The following LGI2 variants were observed in gnomAD, a reference collection of about 807,000 sequenced individuals.
LGI2 encodes the protein leucine-rich repeat LGI family member 2.
Under a neutral mutation model 52.0 loss-of-function variants are expected in LGI2, and 30 were observed. That is an observed-to-expected ratio of 0.58 (90% confidence interval 0.43 to 0.78). The LOEUF (loss-of-function observed/expected upper bound fraction) is 0.78, where lower values mean the gene tolerates loss of function less well. Among genes scored for constraint, LGI2 ranks in the 30% least tolerant of loss-of-function variants. The pLI is 0.00. For synonymous variants in LGI2, 270 were observed against 271.8 expected (o/e 0.99, Z 0.06); for missense variants, 573 against 692.5 (o/e 0.83, Z 1.94).
At chr4:25,013,653 T>C (rs536988998) in intron 6 of LGI2, among the ~76,000 whole-genome samples, 126 of 152,298 alleles carry the variant, frequency 8.3e-4, no homozygotes, top group African/African-American at 3.0e-3. Flanking sequence ...GAAGGTGGTG[T>C]CTATTTCATG....
downstream of LGI2, among the ~76,000 whole-genome samples, chr4:24,998,354 A>T (rs1345792491): frequency 6.6e-6 from 1 of 152,200 alleles, no homozygotes; most frequent in African/African-American, 2.4e-5. Flanking sequence ...GTCATATGTG[A>T]TTTGGTTTCT....
Position 25,003,970 on chromosome 4 carries a change from G to A in LGI2, c.1119C>T (p.Asp373=). ...SYQSLHEWFR[D]TDAEFVDIDG... ...CGATATCAACAAACTCCGCATCCGTGTCCCTGAACCACTCGTGCAGTGACT... is the reference window on the plus strand; with the variant it reads ...CGATATCAACAAACTCCGCATCCGTATCCCTGAACCACTCGTGCAGTGACT... Residue 373 remains aspartate (D), a synonymous_variant, in exon 8 of 8, where the codon GAC becomes GAT. Coordinates refer to ENST00000382114, the MANE Select transcript of LGI2 (RefSeq NM_018176.4). 1 of 1,614,134 alleles carries A rather than the reference G, an allele frequency of 6.2e-7. No homozygotes were observed. The highest frequency in any genetic ancestry group is 8.5e-7 in the Non-Finnish European group (1 of 1,180,016).
In LGI2 at chr4:25,030,541, G is replaced by T; in HGVS notation, c.153C>A (p.Gly51=). Residue 51 remains glycine, a synonymous_variant, in exon 1 of 8, where the codon GGC becomes GGA. Transcript: ENST00000382114. The part of the protein sequence containing the change: ...SCTKESIICV[G]SSWVPRIVPG... ...GCACGATCCTGGGCACCCAGGAAGA[G>T]CCCACGCAGATGATAGACTCCTTGG... is the stretch of plus-strand genomic sequence containing the variant. The T allele has an allele frequency of 6.3e-7, 1 of 1,596,634 alleles. No homozygotes were observed. The highest frequency in any genetic ancestry group is 1.7e-5 in the Admixed American group (1 of 57,420).
chr4:25,014,307 G>A (rs183575106), intron 6 of LGI2, among the ~76,000 whole-genome samples: 31 of 152,288 alleles, frequency 2.0e-4, no homozygotes, highest in Non-Finnish European at 3.5e-4. Context: ...AAAAGGAGTT[G>A]TCACAGTGCA....
chr4:25,025,366 A>G (rs1726112205), intron 3 of LGI2, among the ~76,000 whole-genome samples: 1 of 152,158 alleles, frequency 6.6e-6, no homozygotes, highest in Non-Finnish European at 1.5e-5. Context: ...GGAGAGTTCT[A>G]TCAAGCTTGG....
chr4:24,995,019 T>G (rs1206502737), downstream of LGI2, among the ~76,000 whole-genome samples: 1 of 152,250 alleles, frequency 6.6e-6, no homozygotes, highest in African/African-American at 2.4e-5. Flanking sequence ...TGAAATGCCT[T>G]CAAGAAATCT....
At chr4:25,006,257 AC>A (rs1375571743) in intron 7 of LGI2, among the ~76,000 whole-genome samples, 1 of 129,202 alleles carries the variant, frequency 7.7e-6, no homozygotes, top group Non-Finnish European at 1.7e-5. Flanking sequence ...ATCACCCTGC[AC>A]CCAGATGCCC....
At chr4:25,021,930 CA>C (rs35526176) in intron 4 of LGI2, among the ~76,000 whole-genome samples, 4,924 of 76,472 alleles carry the variant, frequency 0.064, 98 homozygotes, top group South Asian at 0.16. Flanking sequence ...GATTCCATCT[CA>C]AAAAAAAAAA....
intron 7 of LGI2, among the ~76,000 whole-genome samples, chr4:25,009,545 A>AT (rs1725509195): frequency 6.6e-6 from 1 of 151,954 alleles, no homozygotes; most frequent in Non-Finnish European, 1.5e-5. Flanking sequence ...TACTACAATT[A>AT]TTTTTACAAT....
At chr4:25,014,914 A>C (rs1725713770) in intron 6 of LGI2, among the ~76,000 whole-genome samples, 1 of 151,980 alleles carries the variant, frequency 6.6e-6, no homozygotes, top group Non-Finnish European at 1.5e-5. Flanking sequence ...TGTGGGTATC[A>C]GAGGACCAGA....
intron 2 of LGI2, 76 bp downstream of exon 2, chr4:25,028,431 C>T: frequency 7.3e-7 from 1 of 1,370,888 alleles, no homozygotes; most frequent in Non-Finnish European, 1.0e-6. Context: ...GGGCTGATAC[C>T]AAAGAGGCAG....
At chr4:25,005,046 G>A (rs1013515313) in intron 7 of LGI2, among the ~76,000 whole-genome samples, 1 of 152,150 alleles carries the variant, frequency 6.6e-6, no homozygotes, top group Non-Finnish European at 1.5e-5. Context: ...ACAAAAAGAC[G>A]AATACTATAT....
chr4:25,028,541 G>C lies in LGI2; in HGVS notation c.235C>G (p.Arg79Gly), dbSNP rs554995457. The C allele has an allele frequency of 6.2e-7, 1 of 1,613,488 alleles. No individual in the cohort carries two copies. The highest frequency in any genetic ancestry group is 8.5e-7 in the Non-Finnish European group (1 of 1,179,874). ...AGAGAAGGCAGATGGGAAAACATTC[G>C]GTCCTTGATTTCTGAAAACGTCCCA... ...VNGTFSEIKDRMFSHLPSLQL... is the reference protein window; with the variant it reads ...VNGTFSEIKDGMFSHLPSLQL... Residue 79 changes from arginine to glycine, a missense_variant, in exon 2 of 8, where the codon CGA becomes GGA. By Grantham distance (125) the Arg-to-Gly change is moderately radical. Transcript: ENST00000382114.
downstream of LGI2, among the ~76,000 whole-genome samples, chr4:24,994,555 ACT>A (rs1725002776): frequency 6.7e-6 from 1 of 149,536 alleles, no homozygotes. Context: ...AACCAATCTC[ACT>A]CTCTCCCTCT....
At chr4:25,027,751 A>C (rs2109427615) in intron 2 of LGI2, among the ~76,000 whole-genome samples, 1 of 152,372 alleles carries the variant, frequency 6.6e-6, no homozygotes, top group East Asian at 1.9e-4. Flanking sequence ...AGATCAAGAG[A>C]ATGAGGTGTG....
chr4:25,006,165 G>T (rs1000224365), intron 7 of LGI2, among the ~76,000 whole-genome samples: 1 of 152,142 alleles, frequency 6.6e-6, no homozygotes, highest in Admixed American at 6.5e-5. Flanking sequence ...TAGCTCAGAC[G>T]TCATAAAACT....
intron 4 of LGI2, among the ~76,000 whole-genome samples, chr4:25,020,732 T>C (rs1486452712): frequency 6.6e-6 from 1 of 152,226 alleles, no homozygotes; most frequent in African/African-American, 2.4e-5. Flanking sequence ...ATATTCTTGC[T>C]TCAGGACACC....
At position 25,004,105 on chromosome 4, in the gene LGI2, G is replaced by A; in HGVS notation, c.984C>T (p.Asp328=). The change falls in exon 8 of 8, where the codon GAC becomes GAT. Residue 328 remains aspartate (D), a synonymous_variant. Transcript: ENST00000382114. The surrounding 1 kb of genome is among the most constrained non-coding windows in gnomAD (Gnocchi z 4.6). ...CGTCGTCGATCTGAAACAGCTCGAT[G>A]TCATTGGGCTTGGAAATGCGAGAGA... ...IEVSRISKPN[D]IELFQIDDET... 6.2e-7 allele frequency: 1 copy of A among 1,614,198 alleles called. No individual in the cohort carries two copies. Among genetic ancestry groups the A allele is most frequent in the South Asian group, 1.1e-5 (1 of 91,072 alleles).
At chr4:25,020,786 C>A (rs6448323) in intron 4 of LGI2, among the ~76,000 whole-genome samples, 2 of 151,944 alleles carry the variant, frequency 1.3e-5, no homozygotes, top group East Asian at 3.9e-4. Context: ...TATGCCCCTT[C>A]CTATCTAGGT....
Sources: gnomAD v4.1 joint callset for allele counts (sites outside exome capture counted in the v4.1 genomes callset) on GRCh38, gnomAD v4.1.1 for gene constraint, Gnocchi (gnomAD v3.1) non-coding constraint, MANE v1.5 for transcripts, NCBI Gene and HGNC (gene_info 2026-07-23, HGNC 2026-07-21) for gene names.